PAH: variants seen among roughly 807,000 people sequenced by gnomAD.
PAH encodes phenylalanine-4-hydroxylase.
A neutral mutation model predicts 62.0 loss-of-function variants in PAH; 64 were observed. The ratio of observed to expected loss-of-function variants is 1.03; its 90% CI spans 0.84 to 1.27. The LOEUF (loss-of-function observed/expected upper bound fraction) is 1.27. Among genes scored for constraint, PAH ranks in the 50% most tolerant of loss-of-function variants. The pLI is 0.00. For synonymous variants in PAH, 195 were observed against 196.2 expected (o/e 0.99, Z 0.05); for missense variants, 579 against 542.8 (o/e 1.07, Z -0.66).
At chr12:102,954,647 A>C (rs1879861652), upstream of PAH, among the ~76,000 whole-genome samples, 1 of 152,224 alleles carries the variant, frequency 6.6e-6, no homozygotes, top group African/African-American at 2.4e-5. Context: ...CTAGGAGAGC[A>C]GAACATGTGG....
At chr12:102,922,889 A>G (rs1484092744) in intron 1 of PAH, among the ~76,000 whole-genome samples, 1 of 152,202 alleles carries the variant, frequency 6.6e-6, no homozygotes, top group Non-Finnish European at 1.5e-5. Flanking sequence ...AGGAGGTACT[A>G]GTTATAATTA....
intron 4 of PAH, among the ~76,000 whole-genome samples, chr12:102,875,023 T>G (rs1261551573): frequency 6.6e-6 from 1 of 152,184 alleles, no homozygotes; most frequent in Non-Finnish European, 1.5e-5. Context: ...CTGTTTGCAC[T>G]CACACACTGA....
At chr12:102,872,652 A>G (rs1054832493) in intron 4 of PAH, among the ~76,000 whole-genome samples, 2 of 152,222 alleles carry the variant, frequency 1.3e-5, no homozygotes, top group African/African-American at 4.8e-5. Flanking sequence ...GGAAAACTTG[A>G]TGCCCACACC....
At chr12:102,914,439 G>C (rs1451131049) in intron 1 of PAH, 2 of 152,558 alleles carry the variant, frequency 1.3e-5, no homozygotes, top group African/African-American at 4.8e-5. Context: ...GCTTAGAGAG[G>C]TTAAGGAACT....
At chr12:102,947,806 A>T (rs1483153580) in intron 1 of PAH, among the ~76,000 whole-genome samples, 1 of 152,220 alleles carries the variant, frequency 6.6e-6, no homozygotes, top group Non-Finnish European at 1.5e-5. Flanking sequence ...TATTTCAAGA[A>T]ATTAGCTCGT....
chr12:102,849,930 T>G (rs1311732813), intron 8 of PAH, among the ~76,000 whole-genome samples: 1 of 152,194 alleles, frequency 6.6e-6, no homozygotes, highest in African/African-American at 2.4e-5. Context: ...GTTGGAACCA[T>G]GTGACACTGA....
chr12:102,952,187 G>C (rs1282815536), upstream of PAH, among the ~76,000 whole-genome samples: 2 of 152,168 alleles, frequency 1.3e-5, no homozygotes, highest in Non-Finnish European at 2.9e-5. Flanking sequence ...AGGGGGGAGA[G>C]CTCTGAATGG....
chr12:102,847,632 C>CAT (rs1431106835), intron 8 of PAH, among the ~76,000 whole-genome samples: 1 of 152,058 alleles, frequency 6.6e-6, no homozygotes, highest in Non-Finnish European at 1.5e-5. Flanking sequence ...AAATAATGAA[C>CAT]ATATACATAA....
At chr12:102,855,564 A>C (rs976956751) in intron 5 of PAH, among the ~76,000 whole-genome samples, 1 of 152,176 alleles carries the variant, frequency 6.6e-6, no homozygotes, top group African/African-American at 2.4e-5. Flanking sequence ...ACAGGCTACA[A>C]TGAGGATTTG....
chr12:102,843,559 T>C (rs1276770308), intron 11 of PAH, 87 bp downstream of exon 11: 43 of 1,339,304 alleles, frequency 3.2e-5, no homozygotes, highest in Non-Finnish European at 4.5e-5. Context: ...GACATTGGAG[T>C]CCACTCTCCT....
At position 102,873,181 on chromosome 12, in the gene PAH, C is replaced by T. The variant is rs2136674053; in HGVS notation, c.441+4281G>A. On this transcript the variant is annotated intron_variant, in intron 4 of 12. Transcript: ENST00000553106. Reference sequence around the variant, plus strand: ...TTGCTGGTGCTCCCCAAGATCTGTCCTCTCTCCTTTGTTCAGAGAACGTTG... The same window carrying T: ...TTGCTGGTGCTCCCCAAGATCTGTCTTCTCTCCTTTGTTCAGAGAACGTTG... Among the ~76,000 whole-genome samples, 2 of 152,288 alleles carry T rather than the reference C, an allele frequency of 1.3e-5. 1 individual carries two copies. Among genetic ancestry groups the T allele is most frequent in the South Asian group, 4.2e-4 (2 of 4,810 alleles).
intron 1 of PAH, chr12:102,950,152 C>G (rs1879683490): frequency 5.9e-5 from 9 of 152,232 alleles, no homozygotes. Flanking sequence ...GTCTTTGTTG[C>G]TGTTTCCTAA....
At chr12:102,870,195 A>G (rs1432084810) in intron 4 of PAH, among the ~76,000 whole-genome samples, 1 of 152,194 alleles carries the variant, frequency 6.6e-6, no homozygotes, top group Non-Finnish European at 1.5e-5. Flanking sequence ...AAAAGTCTTG[A>G]GTATTCTTGT....
At chr12:102,868,547 T>A (rs1876163884) in intron 4 of PAH, among the ~76,000 whole-genome samples, 2 of 152,058 alleles carry the variant, frequency 1.3e-5, no homozygotes, top group Admixed American at 1.3e-4. Flanking sequence ...CCTAGAGCAC[T>A]GAATGGTTTT....
chr12:102,868,027 C>G lies in PAH; in HGVS notation c.442-1364G>C, dbSNP rs1396556954. The stretch of plus-strand genomic sequence containing the variant: ...ATGTATATACATATATACATATATA[C>G]ATGTATATACACCTATATATATGTA... On this transcript the variant is annotated intron_variant, in intron 4 of 12. Transcript: ENST00000553106. Among the ~76,000 whole-genome samples, 73 of 133,838 alleles carry G rather than the reference C, an allele frequency of 5.5e-4. 2 individuals carry two copies. Among genetic ancestry groups the G allele is most frequent in the African/African-American group, 1.5e-3 (54 of 36,198 alleles). The allele number at this position is 133,838 out of a possible 152,430, so 87.8% of individuals were successfully genotyped here.
At chr12:102,843,096 A>G (rs1874660439) in intron 11 of PAH, among the ~76,000 whole-genome samples, 1 of 152,176 alleles carries the variant, frequency 6.6e-6, no homozygotes, top group African/African-American at 2.4e-5. Context: ...TGTGTCAGGT[A>G]TTGTTCCAGG....
At chr12:102,887,128 T>C (rs1275519915) in intron 3 of PAH, among the ~76,000 whole-genome samples, 2 of 151,766 alleles carry the variant, frequency 1.3e-5, no homozygotes, top group African/African-American at 4.8e-5. Context: ...AGAGAGGCTA[T>C]TGGTTTTGAG....
At chr12:102,901,480 T>C (rs1488505019) in intron 2 of PAH, among the ~76,000 whole-genome samples, 1 of 152,224 alleles carries the variant, frequency 6.6e-6, no homozygotes, top group Non-Finnish European at 1.5e-5. Context: ...CCTTATACTC[T>C]GCCTCCTCAA....
At position 102,866,634 on chromosome 12, in the gene PAH, T is replaced by C. The variant is rs199475612; in HGVS notation, c.471A>G (p.Arg157=). ...PGFKDPVYRA[R]RKQFADIAYN... is the part of the protein sequence containing the mutation. ...AGGCAATGTCAGCAAACTGCTTCCG[T>C]CTTGCACGGTACACAGGATCTTTAA... The change falls in exon 5 of 13, where the codon AGA becomes AGG. Residue 157 remains arginine (R), a synonymous_variant. Transcript: ENST00000553106. 19 of 1,613,662 alleles carry C rather than the reference T, an allele frequency of 1.2e-5. No homozygotes were observed. The highest frequency in any genetic ancestry group is 1.6e-5 in the Non-Finnish European group (19 of 1,179,764).
Sources: gnomAD v4.1 joint callset for allele counts (sites outside exome capture counted in the v4.1 genomes callset) on GRCh38, gnomAD v4.1.1 for gene constraint, MANE v1.5 for transcripts, NCBI Gene and HGNC (gene_info 2026-07-23, HGNC 2026-07-21) for gene names.